NGF: variants seen among roughly 807,000 people sequenced by gnomAD.
The protein encoded by NGF is beta-nerve growth factor.
A neutral mutation model predicts 12.8 loss-of-function variants in NGF; 4 were observed. The observed-to-expected ratio is 0.31, with a 90% CI of 0.15 to 0.72. The LOEUF is 0.72. Among genes scored for constraint, NGF ranks in the 30% least tolerant of loss-of-function variants. The pLI, the probability that NGF is intolerant of heterozygous loss-of-function variation, is 0.69. For missense variants in NGF, 283 were observed against 330.8 expected (o/e 0.86, Z 1.12); for synonymous variants, 140 against 130.0 (o/e 1.08, Z -0.52).
chr1:115,336,810 G>A (rs146927090), intron 1 of NGF, among the ~76,000 whole-genome samples: 1,761 of 152,338 alleles, frequency 0.012, 9 homozygotes, highest in Middle Eastern at 0.031. Flanking sequence ...CTGGAGAGAA[G>A]TTACTGATGG....
chr1:115,293,649 G>A lies in NGF; in HGVS notation c.-35C>T, dbSNP rs1409177203. The A allele has an allele frequency of 6.5e-6, 1 of 152,766 alleles. No homozygotes were observed. 9.5% of individuals were successfully genotyped at this position (152,766 alleles called of 1,614,324 possible). On this transcript the variant is annotated 5_prime_UTR_variant, in exon 2 of 3. Coordinates refer to ENST00000369512, the MANE Select transcript of NGF (RefSeq NM_002506.3). ...TACCTCAGTGTGGCCAGGATAGAAA[G>A]CTGCTCCCTTGGTAAAACTGTTATT...
chr1:115,321,404 G>T (rs1654620674), intron 1 of NGF, among the ~76,000 whole-genome samples: 1 of 152,050 alleles, frequency 6.6e-6, no homozygotes. Flanking sequence ...CCAGCTTTTT[G>T]GGTTTTTTTC....
intron 1 of NGF, among the ~76,000 whole-genome samples, chr1:115,326,607 G>GC (rs1654785079): frequency 6.6e-6 from 1 of 152,102 alleles, no homozygotes; most frequent in African/African-American, 2.4e-5. Context: ...TCCGCTCAAT[G>GC]CCTGGCACAG....
chr1:115,321,576 ATGTGTGTGTGTGTGTGTG>A (rs59590858), intron 1 of NGF, among the ~76,000 whole-genome samples: 6,051 of 133,248 alleles, frequency 0.045, 438 homozygotes, highest in African/African-American at 0.15. Flanking sequence ...TGTGTATGGG[ATGTGTGTGTGTGTGTGTG>A]TGTGTGTGTG....
rs1482614036 is a variant in NGF at position 115,286,855 on chromosome 1, G to A, written c.-12-48C>T. The A allele has an allele frequency of 2.5e-6, 4 of 1,610,900 alleles. No homozygotes were observed. The Admixed American group carries it at 6.7e-5, about 27-fold the overall frequency. ...GTGACTTCATGGAGTACTAAATGCA[G>A]TCAAAAGGCAGTTTCTGGGTCCCTC... On this transcript the variant is annotated intron_variant, in intron 2 of 2. Coordinates refer to ENST00000369512, the MANE Select transcript of NGF (RefSeq NM_002506.3).
Position 115,312,172 on chromosome 1 carries a change from C to T in NGF, c.-136-18422G>A, listed in dbSNP as rs376383135. On this transcript the variant is annotated intron_variant, in intron 1 of 2. Coordinates refer to ENST00000369512, the MANE Select transcript of NGF (RefSeq NM_002506.3). ...TTTTGTGACTTTTGTGGCATTAAGACATCTCTTGGTAAACTAGAGCTAATG... is the reference window on the plus strand; with the variant it reads ...TTTTGTGACTTTTGTGGCATTAAGATATCTCTTGGTAAACTAGAGCTAATG... Among the ~76,000 whole-genome samples, 361 of 152,312 alleles carry T rather than the reference C, an allele frequency of 2.4e-3. 1 individual carries two copies. Among genetic ancestry groups the T allele is most frequent in the African/African-American group, 8.4e-3 (349 of 41,572 alleles).
At chr1:115,310,750 G>C (rs1043803143) in intron 1 of NGF, among the ~76,000 whole-genome samples, 9 of 151,634 alleles carry the variant, frequency 5.9e-5, no homozygotes. Flanking sequence ...CTCACATAAG[G>C]TTTGTATATA....
In NGF at chr1:115,307,499, C is replaced by T. The variant is rs549543123; in HGVS notation, c.-136-13749G>A. Among the ~76,000 whole-genome samples, 11 of 152,296 alleles carry T rather than the reference C, an allele frequency of 7.2e-5. No homozygotes were observed. The South Asian group carries it at 2.3e-3, about 32-fold the overall frequency. On this transcript the variant is annotated intron_variant, in intron 1 of 2. Transcript: ENST00000369512. Reference sequence around the variant, plus strand: ...TCTGGTGAGGAGGAAGAAATCACTGCACAAATCACAAGCAGACTTACAGTA... The same window carrying T: ...TCTGGTGAGGAGGAAGAAATCACTGTACAAATCACAAGCAGACTTACAGTA...
chr1:115,286,257 C>T lies in NGF; in HGVS notation c.539G>A (p.Arg180Gln), dbSNP rs758166016. 1.7e-5 allele frequency: 27 copies of T among 1,614,010 alleles called. No homozygotes were observed. In the Admixed American group the frequency reaches 1.8e-4, roughly 11 times the overall value. The part of the protein sequence containing the change: ...FKQYFFETKC[R>Q]DPNPVDSGCR... ...CCCGCTGTCAACGGGATTTGGGTCC[C>T]GGCACTTGGTCTCAAAAAAGTACTG... Residue 180 changes from arginine (R) to glutamine (Q), a missense_variant, in exon 3 of 3, where the codon CGG (arginine) becomes CAG (glutamine). Arg to Gln is a conservative substitution (Grantham distance 43). Coordinates refer to ENST00000369512, the MANE Select transcript of NGF (RefSeq NM_002506.3).
Position 115,337,267 on chromosome 1 carries a change from G to GTTT in NGF, c.-137+934_-137+936dup, listed in dbSNP as rs67307707. On this transcript the variant is annotated intron_variant, in intron 1 of 2. Coordinates refer to ENST00000369512, the MANE Select transcript of NGF (RefSeq NM_002506.3). Reference sequence around the variant, plus strand: ...TCGAAATTTTTTTTGTTTTGTTTTTGTTTTTTTTTTTTTTTTTTTTTTTTT... The same window carrying GTTT: ...TCGAAATTTTTTTTGTTTTGTTTTTGTTTTTTTTTTTTTTTTTTTTTTTTTTTT... Among the ~76,000 whole-genome samples the GTTT allele has an allele frequency of 4.9e-4, 40 of 81,026 alleles. 3 individuals carry two copies. Among genetic ancestry groups the GTTT allele is most frequent in the Non-Finnish European group, 6.8e-4 (29 of 42,670 alleles). 53.2% of individuals were successfully genotyped at this position (81,026 alleles called of 152,430 possible).
intron 1 of NGF, among the ~76,000 whole-genome samples, chr1:115,320,890 T>C (rs1312336907): frequency 6.6e-6 from 1 of 152,182 alleles, no homozygotes. Context: ...GTTAGAAGTG[T>C]GGCCTCACTG....
rs368973980 is a variant in NGF at position 115,337,261 on chromosome 1, G to GTT, written c.-137+941_-137+942dup. ...AGAATCTCGAAATTTTTTTTGTTTT[G>GTT]TTTTTGTTTTTTTTTTTTTTTTTTT... On this transcript the variant is annotated intron_variant, in intron 1 of 2. Coordinates refer to ENST00000369512, the MANE Select transcript of NGF (RefSeq NM_002506.3). Among the ~76,000 whole-genome samples the GTT allele has an allele frequency of 3.1e-3, 37 of 11,760 alleles. 1 individual carries two copies. Among genetic ancestry groups the GTT allele is most frequent in the South Asian group, 0.015 (3 of 194 alleles). 7.7% of individuals were successfully genotyped at this position (11,760 alleles called of 152,430 possible).
intron 1 of NGF, among the ~76,000 whole-genome samples, chr1:115,320,344 A>G (rs185428100): frequency 1.3e-3 from 197 of 152,356 alleles, no homozygotes; most frequent in African/African-American, 4.6e-3. Flanking sequence ...AAAAACAATA[A>G]CAATAAAATA....
chr1:115,315,627 T>C (rs766756814), intron 1 of NGF, among the ~76,000 whole-genome samples: 7 of 152,150 alleles, frequency 4.6e-5, no homozygotes, highest in African/African-American at 7.2e-5. Context: ...GATAGCTATA[T>C]TTGAGATACC....
chr1:115,301,582 A>C (rs191836678), intron 1 of NGF, among the ~76,000 whole-genome samples: 110 of 152,308 alleles, frequency 7.2e-4, no homozygotes, highest in African/African-American at 2.5e-3. Flanking sequence ...CCTCTCTGGC[A>C]GGAAGAAATC....
intron 1 of NGF, among the ~76,000 whole-genome samples, chr1:115,307,523 T>C (rs1163326658): frequency 6.6e-6 from 1 of 152,230 alleles, no homozygotes; most frequent in East Asian, 1.9e-4. Flanking sequence ...AGACTTACAG[T>C]ACTCAGCTTG....
At chr1:115,288,703 G>A (rs1471510267) in intron 2 of NGF, among the ~76,000 whole-genome samples, 3 of 152,128 alleles carry the variant, frequency 2.0e-5, no homozygotes, top group Non-Finnish European at 2.9e-5. Flanking sequence ...CCCTGAGAGG[G>A]CTTTGCAAGC....
intron 1 of NGF, among the ~76,000 whole-genome samples, chr1:115,324,658 G>T (rs543210362): frequency 2.0e-5 from 3 of 152,302 alleles, no homozygotes; most frequent in Admixed American, 1.3e-4. Context: ...GAGGGCTACT[G>T]TGGGTGCATA....
chr1:115,310,899 G>A (rs1035836769), intron 1 of NGF, among the ~76,000 whole-genome samples: 4 of 152,138 alleles, frequency 2.6e-5, no homozygotes, highest in Admixed American at 6.5e-5. Flanking sequence ...AGTAACAGGC[G>A]GAGTGGGAGG....
Sources: gnomAD v4.1 joint callset for allele counts (sites outside exome capture counted in the v4.1 genomes callset) on GRCh38, gnomAD v4.1.1 for gene constraint, MANE v1.5 for transcripts, NCBI Gene and HGNC (gene_info 2026-07-23, HGNC 2026-07-21) for gene names.